The following CADPS2 variants were observed in gnomAD, a reference collection of about 807,000 sequenced individuals.
CADPS2 encodes calcium-dependent secretion activator 2.
A neutral mutation model predicts 172.5 loss-of-function variants in CADPS2; 93 were observed. The observed-to-expected ratio is 0.54, with a 90% CI of 0.46 to 0.64. The LOEUF is 0.64. CADPS2 is among the 30% of genes least tolerant of loss of function. The probability of loss-of-function intolerance (pLI) is 0.00; values close to 1 mark genes in which losing one functional copy is unlikely to be tolerated. For synonymous variants in CADPS2, 546 were observed against 555.2 expected, an observed-to-expected ratio of 0.98 and a Z score of 0.23; for missense variants, 1,420 against 1,565.9, an observed-to-expected ratio of 0.91 and a Z score of 1.57.
At chr7:122,831,039 G>A (rs1000368363) in intron 1 of CADPS2, among the ~76,000 whole-genome samples, 1 of 152,094 alleles carries the variant, frequency 6.6e-6, no homozygotes, top group Non-Finnish European at 1.5e-5. Flanking sequence ...AAATTTAGGG[G>A]CCCTACTATT....
rs540468277 is a variant in CADPS2, at chr7:122,480,627, C to T, written c.1861+225G>A. Reference sequence around the variant, plus strand: ...GCACGTTATTACAACACATTCGTGGCTATTACCCTTGTGCCTGTATGAATG... The same window carrying T: ...GCACGTTATTACAACACATTCGTGGTTATTACCCTTGTGCCTGTATGAATG... On this transcript the variant is annotated intron_variant, in intron 12 of 29. Transcript: ENST00000449022. 2.6e-5 allele frequency among the ~76,000 whole-genome samples: 4 copies of T among 152,194 alleles called. No homozygotes were observed. In the East Asian group the frequency reaches 7.7e-4, roughly 29 times the overall value.
chr7:122,495,390 G>A (rs1377819693), intron 9 of CADPS2, among the ~76,000 whole-genome samples: 1 of 152,034 alleles, frequency 6.6e-6, no homozygotes, highest in African/African-American at 2.4e-5. Flanking sequence ...CCACATACAA[G>A]AAAATCGATA....
At chr7:122,867,343 A>G (rs1818571290) in intron 1 of CADPS2, among the ~76,000 whole-genome samples, 1 of 152,184 alleles carries the variant, frequency 6.6e-6, no homozygotes, top group African/African-American at 2.4e-5. Context: ...TCCAAGAGAA[A>G]TAATCCAGTT....
At chr7:122,801,180 T>G (rs773035988) in intron 1 of CADPS2, among the ~76,000 whole-genome samples, 10 of 152,136 alleles carry the variant, frequency 6.6e-5, no homozygotes, top group East Asian at 3.9e-4. Flanking sequence ...TAGGGAGAGA[T>G]AGAGACCAAA....
chr7:122,428,869 T>G (rs1034399647), intron 17 of CADPS2, among the ~76,000 whole-genome samples: 4 of 152,140 alleles, frequency 2.6e-5, no homozygotes, highest in African/African-American at 9.7e-5. Context: ...AGGAAAAGCA[T>G]TTGTGTGACT....
intron 28 of CADPS2, among the ~76,000 whole-genome samples, chr7:122,327,488 A>G (rs1199657134): frequency 6.6e-6 from 1 of 152,182 alleles, no homozygotes; most frequent in African/African-American, 2.4e-5. Context: ...GAAGCCTAAC[A>G]TAACATACTG....
intron 25 of CADPS2, among the ~76,000 whole-genome samples, chr7:122,378,100 G>A (rs935278986): frequency 4.6e-5 from 7 of 152,026 alleles, no homozygotes; most frequent in South Asian, 2.1e-4. Context: ...ACTATATTAC[G>A]AAACTCTTCA....
At chr7:122,502,604 C>T (rs1406732388) in intron 9 of CADPS2, among the ~76,000 whole-genome samples, 1 of 151,966 alleles carries the variant, frequency 6.6e-6, no homozygotes, top group African/African-American at 2.4e-5. Flanking sequence ...TTGACAAAAT[C>T]TAGAGGTTAG....
intron 2 of CADPS2, among the ~76,000 whole-genome samples, chr7:122,715,565 G>A (rs1252048450): frequency 6.6e-6 from 1 of 152,120 alleles, no homozygotes; most frequent in Non-Finnish European, 1.5e-5. Context: ...AGGTCATTCT[G>A]CTTTGAATAA....
At chr7:122,331,595 C>T (rs961478592) in intron 28 of CADPS2, among the ~76,000 whole-genome samples, 19 of 152,118 alleles carry the variant, frequency 1.2e-4, no homozygotes, top group African/African-American at 1.7e-4. Context: ...GCTGAGATCA[C>T]GCCACTGCAC....
chr7:122,766,936 A>G (rs550084026), intron 1 of CADPS2, among the ~76,000 whole-genome samples: 1 of 152,288 alleles, frequency 6.6e-6, no homozygotes, highest in African/African-American at 2.4e-5. Flanking sequence ...AATAGTATCT[A>G]TTTGACAGGA....
At chr7:122,854,894 C>A (rs1814739100) in intron 1 of CADPS2, among the ~76,000 whole-genome samples, 1 of 152,146 alleles carries the variant, frequency 6.6e-6, no homozygotes, top group Admixed American at 6.5e-5. Context: ...CCTTCAAAAT[C>A]ATAATATAAA....
At chr7:122,773,427 T>C (rs2093765855) in intron 1 of CADPS2, among the ~76,000 whole-genome samples, 1 of 152,066 alleles carries the variant, frequency 6.6e-6, no homozygotes, top group South Asian at 2.1e-4. Context: ...ACTAAACTGC[T>C]GATAATATGA....
intron 1 of CADPS2, among the ~76,000 whole-genome samples, chr7:122,792,094 CA>C (rs1563028059): frequency 6.6e-6 from 1 of 152,162 alleles, no homozygotes; most frequent in African/African-American, 2.4e-5. Flanking sequence ...TTGTACCAAG[CA>C]AAATGTGTTG....
At chr7:122,663,146 G>A in intron 3 of CADPS2, 91 bp downstream of exon 3, 1 of 906,878 alleles carries the variant, frequency 1.1e-6, no homozygotes, top group South Asian at 1.8e-5. Flanking sequence ...AGTGATTATA[G>A]CAAGTAAAGG....
intron 17 of CADPS2, chr7:122,426,309 TAC>T (rs1343163939): frequency 3.9e-5 from 6 of 152,230 alleles, no homozygotes; most frequent in Non-Finnish European, 5.9e-5. Context: ...AGACCAGGTT[TAC>T]AGAGTAGGGT....
chr7:122,537,525 A>T (rs1457229956), intron 8 of CADPS2, among the ~76,000 whole-genome samples: 1 of 151,872 alleles, frequency 6.6e-6, no homozygotes, highest in East Asian at 1.9e-4. Context: ...AGAATTAGAA[A>T]AAAAACTTTT....
chr7:122,575,071 TG>T (rs1232929786), intron 7 of CADPS2, among the ~76,000 whole-genome samples: 2 of 151,916 alleles, frequency 1.3e-5, no homozygotes, highest in Non-Finnish European at 2.9e-5. Context: ...AAACCAGTCA[TG>T]AAAAAAATAG....
At chr7:122,702,791 AACAACATCAGTTGTAGAAG>A in intron 2 of CADPS2, 8 of 1,416,602 alleles carry the variant, frequency 5.6e-6, no homozygotes, top group Non-Finnish European at 7.7e-6. Flanking sequence ...GAGAAAACAA[AACAACATCAGTTGTAGAAG>A]AACATAAAGA....
Sources: gnomAD v4.1 joint callset for allele counts (sites outside exome capture counted in the v4.1 genomes callset) on GRCh38, gnomAD v4.1.1 for gene constraint, MANE v1.5 for transcripts, NCBI Gene and HGNC (gene_info 2026-07-23, HGNC 2026-07-21) for gene names.